Variants in PDIA4 observed in about 807,000 individuals in gnomAD.
PDIA4 encodes protein disulfide isomerase family A member 4, also known as protein disulfide-isomerase A4.
In PDIA4, 33 loss-of-function variants were observed where a neutral mutation model predicts 62.1. That is an observed-to-expected ratio of 0.53 (90% CI 0.40 to 0.71). The LOEUF (loss-of-function observed/expected upper bound fraction) is 0.71, where lower values mean the gene tolerates loss of function less well. PDIA4 is among the 30% of genes least tolerant of loss of function. PDIA4 has a pLI of 0.00. For missense variants in PDIA4, 804 were observed against 813.6 expected (o/e 0.99, Z 0.14); for synonymous variants, 341 against 324.1 (o/e 1.05, Z -0.56).
intron 7 of PDIA4, 117 bp downstream of exon 7, chr7:149,008,042 T>A: frequency 1.0e-6 from 1 of 992,674 alleles, no homozygotes; most frequent in Non-Finnish European, 1.5e-6. Context: ...GAAAAGGAGT[T>A]CCAGACCCTG....
intron 3 of PDIA4, among the ~76,000 whole-genome samples, chr7:149,016,242 G>A (rs531950772): frequency 1.3e-5 from 2 of 152,296 alleles, no homozygotes; most frequent in Admixed American, 6.5e-5. Context: ...GCTGTTCGGT[G>A]AGCCAAGATT....
chr7:149,009,316 AAC>A (rs1201789252), intron 6 of PDIA4, among the ~76,000 whole-genome samples: 1 of 152,156 alleles, frequency 6.6e-6, no homozygotes, highest in Non-Finnish European at 1.5e-5. Context: ...ACAACAAAAA[AAC>A]CCCGGAAAAG....
chr7:149,015,141 C>T (rs1585421193), intron 3 of PDIA4, 99 bp from the exon 4 acceptor site: 5 of 1,257,038 alleles, frequency 4.0e-6, no homozygotes, highest in East Asian at 4.8e-5. Context: ...AAGCAAGTGT[C>T]GGGGCCCACA....
chr7:149,012,331 T>G lies in PDIA4; in HGVS notation c.644A>C (p.Glu215Ala). Residue 215 changes from glutamate (E) to alanine (A), a missense_variant, in exon 5 of 10, where the codon GAG (glutamate) becomes GCG (alanine). Transcript: ENST00000652332. ...GAGCTCCTTGGCGGCCTTCTCATAC[T>G]CGGGGGCAAGTTTCTTGCAGTGTCC... ...WCGHCKKLAP[E>A]YEKAAKELSK... 6.2e-7 allele frequency: 1 copy of G among 1,613,660 alleles called. No homozygotes were observed. Among genetic ancestry groups the G allele is most frequent in the Non-Finnish European group, 8.5e-7 (1 of 1,180,028 alleles).
At chr7:149,021,212 C>T (rs754243096) in intron 1 of PDIA4, 65 bp from the exon 2 acceptor site, 39 of 1,511,374 alleles carry the variant, frequency 2.6e-5, no homozygotes, top group East Asian at 9.8e-5. Context: ...CTTTCCTGGC[C>T]GGGCGCGGTG....
intron 3 of PDIA4, 79 bp downstream of exon 3, chr7:149,018,913 G>T: frequency 1.9e-6 from 2 of 1,052,782 alleles, no homozygotes; most frequent in Non-Finnish European, 1.4e-6. Context: ...GGTACCCTCA[G>T]CTTTTCTTCC....
chr7:149,027,646 T>A (rs1269540735), intron 1 of PDIA4, among the ~76,000 whole-genome samples: 1 of 149,332 alleles, frequency 6.7e-6, no homozygotes, highest in African/African-American at 2.6e-5. Flanking sequence ...GACCATGAAG[T>A]AGTTGTTACT....
chr7:149,008,017 G>C (rs1196134967), intron 7 of PDIA4, 142 bp downstream of exon 7: 16 of 753,532 alleles, frequency 2.1e-5, no homozygotes, highest in Admixed American at 3.2e-5. Context: ...CCTGTGGGGT[G>C]GGGAGAACGG....
At chr7:149,010,437 T>G (rs959590808) in intron 6 of PDIA4, among the ~76,000 whole-genome samples, 1 of 151,512 alleles carries the variant, frequency 6.6e-6, no homozygotes, top group Non-Finnish European at 1.5e-5. Context: ...AAGGCTGCAG[T>G]GAGTCGAGAT....
At chr7:149,016,365 G>A (rs1377931147) in intron 3 of PDIA4, among the ~76,000 whole-genome samples, 2 of 152,274 alleles carry the variant, frequency 1.3e-5, no homozygotes, top group East Asian at 1.9e-4. Flanking sequence ...ATATGGCTAA[G>A]ACATATCTGT....
intron 6 of PDIA4, 44 bp downstream of exon 6, chr7:149,011,802 C>T: frequency 1.3e-6 from 2 of 1,486,840 alleles, no homozygotes; most frequent in African/African-American, 1.4e-5. Flanking sequence ...CGCAGACGGC[C>T]CAAGGCACGC....
chr7:149,006,297 C>G (rs1417214894), intron 7 of PDIA4: 1 of 447,692 alleles, frequency 2.2e-6, no homozygotes, highest in Non-Finnish European at 3.9e-6. Context: ...TTGGCCCTTT[C>G]CTTGGGGGTG....
At chr7:149,011,360 G>C (rs1823936721) in intron 6 of PDIA4, among the ~76,000 whole-genome samples, 2 of 152,196 alleles carry the variant, frequency 1.3e-5, no homozygotes, top group South Asian at 4.1e-4. Context: ...CCTCAGGCTA[G>C]CAAGACTAGC....
At chr7:149,027,137 C>T (rs1824585916) in intron 1 of PDIA4, among the ~76,000 whole-genome samples, 2 of 152,220 alleles carry the variant, frequency 1.3e-5, no homozygotes, top group Non-Finnish European at 2.9e-5. Context: ...CAAGGGAAAA[C>T]TGACTTAAAA....
intron 2 of PDIA4, among the ~76,000 whole-genome samples, chr7:149,020,655 AC>A (rs1450921059): frequency 6.6e-6 from 1 of 152,202 alleles, no homozygotes; most frequent in Non-Finnish European, 1.5e-5. Flanking sequence ...CGTGTCTGTT[AC>A]CAACACAGGG....
intron 6 of PDIA4, among the ~76,000 whole-genome samples, chr7:149,010,118 CT>C (rs1206427278): frequency 6.6e-6 from 1 of 152,148 alleles, no homozygotes; most frequent in Non-Finnish European, 1.5e-5. Context: ...TTGTGACCTA[CT>C]AACTGCGTAG....
chr7:149,023,388 T>C (rs749942198), intron 1 of PDIA4, among the ~76,000 whole-genome samples: 13 of 152,216 alleles, frequency 8.5e-5, no homozygotes, highest in Non-Finnish European at 1.8e-4. Context: ...CGTGTGAGGC[T>C]GAAATACACA....
intron 1 of PDIA4, among the ~76,000 whole-genome samples, chr7:149,023,893 G>A (rs775907433): frequency 1.3e-5 from 2 of 152,154 alleles, no homozygotes; most frequent in South Asian, 2.1e-4. Context: ...AGTGGGAGCT[G>A]ACTAGTCACC....
intron 2 of PDIA4, 75 bp downstream of exon 2, chr7:149,020,892 G>A: frequency 6.5e-7 from 1 of 1,546,060 alleles, no homozygotes; most frequent in South Asian, 1.2e-5. Flanking sequence ...CCCAAGGTCT[G>A]GATGACCGGG....
Sources: allele counts gnomAD v4.1 joint callset (sites outside exome capture counted in the v4.1 genomes callset), GRCh38; gene constraint gnomAD v4.1.1; transcripts MANE v1.5; gene names NCBI Gene and HGNC (gene_info 2026-07-23, HGNC 2026-07-21).